The following CTNNA3 variants were observed in gnomAD, a reference collection of about 807,000 sequenced individuals.
CTNNA3 encodes the protein catenin alpha-3.
CTNNA3 carries 76 observed loss-of-function variants against 95.7 expected under a neutral mutation model. The ratio of observed to expected loss-of-function variants is 0.79; its 90% CI spans 0.66 to 0.96. The LOEUF (loss-of-function observed/expected upper bound fraction) is 0.96. CTNNA3 is among the 40% of genes least tolerant of loss of function. CTNNA3 has a pLI of 0.00. For missense variants in CTNNA3, 1,191 were observed against 1,089.8 expected (o/e 1.09, Z -1.31); for synonymous variants, 431 against 374.4 (o/e 1.15, Z -1.74).
chr10:66,391,058 CAATA>C lies in CTNNA3; in HGVS notation c.1532-11710_1532-11707del, dbSNP rs201270860. Among the ~76,000 whole-genome samples the C allele has an allele frequency of 5.6e-3, 818 of 147,152 alleles. 7 individuals are homozygous for C. Among genetic ancestry groups the C allele is most frequent in the African/African-American group, 0.014 (569 of 41,130 alleles). ...TTATTGTCTTTTATTCCGCCCAATA[CAATA>C]GTCAAAATTGTAGTCACTTGGTAAT... On this transcript the variant is annotated intron_variant, in intron 11 of 17. Coordinates refer to ENST00000433211, the MANE Select transcript of CTNNA3 (RefSeq NM_013266.4).
intron 7 of CTNNA3, among the ~76,000 whole-genome samples, chr10:66,998,663 G>A (rs996245175): frequency 6.6e-6 from 1 of 152,110 alleles, no homozygotes; most frequent in African/African-American, 2.4e-5. Context: ...AAAAAATATA[G>A]TAATTCCAAA....
intron 5 of CTNNA3, among the ~76,000 whole-genome samples, chr10:67,414,771 A>T (rs992525067): frequency 1.3e-5 from 2 of 152,212 alleles, no homozygotes; most frequent in Non-Finnish European, 2.9e-5. Context: ...TTCAATACTG[A>T]AATCACATTT....
chr10:66,145,039 C>T (rs1307897108), intron 13 of CTNNA3, among the ~76,000 whole-genome samples: 1 of 152,080 alleles, frequency 6.6e-6, no homozygotes. Context: ...TGCATATACA[C>T]TATTCTCTCC....
chr10:67,501,772 GT>G (rs1166494950), intron 5 of CTNNA3, among the ~76,000 whole-genome samples: 6 of 152,056 alleles, frequency 3.9e-5, no homozygotes, highest in Admixed American at 1.3e-4. Flanking sequence ...TGATCCTTGT[GT>G]ATGCTTCAGG....
intron 7 of CTNNA3, among the ~76,000 whole-genome samples, chr10:67,133,346 G>A (rs1411291119): frequency 1.6e-4 from 9 of 54,738 alleles, no homozygotes; most frequent in African/African-American, 3.6e-4. Context: ...CACACACAAT[G>A]GTAGATACAT....
At position 66,134,602 on chromosome 10, in the gene CTNNA3, T is replaced by C. The variant is rs149367877; in HGVS notation, c.1885-31353A>G. On this transcript the variant is annotated intron_variant, in intron 13 of 17. Transcript: ENST00000433211. ...TATGAAAGAAGGAAATTTAAGAATATTTGCTTTCAAACAGAAACATAGGGT... is the reference window on the plus strand; with the variant it reads ...TATGAAAGAAGGAAATTTAAGAATACTTGCTTTCAAACAGAAACATAGGGT... Among the ~76,000 whole-genome samples the C allele has an allele frequency of 2.7e-3, 405 of 152,232 alleles. 2 individuals carry two copies. The highest frequency in any genetic ancestry group is 9.4e-3 in the African/African-American group (389 of 41,548).
intron 5 of CTNNA3, among the ~76,000 whole-genome samples, chr10:67,480,623 C>A (rs1848181436): frequency 6.6e-6 from 1 of 152,218 alleles, no homozygotes; most frequent in Admixed American, 6.5e-5. Flanking sequence ...AGATAACAAG[C>A]CAGAGCCTGT....
intron 5 of CTNNA3, among the ~76,000 whole-genome samples, chr10:67,463,355 A>C (rs2133001575): frequency 6.6e-6 from 1 of 152,252 alleles, no homozygotes; most frequent in South Asian, 2.1e-4. Flanking sequence ...TTCTTGGCAA[A>C]AGAAACCAAA....
At chr10:66,345,340 G>GA (rs1265341767) in intron 12 of CTNNA3, among the ~76,000 whole-genome samples, 1 of 152,068 alleles carries the variant, frequency 6.6e-6, no homozygotes, top group Non-Finnish European at 1.5e-5. Flanking sequence ...TGTTTCCTCT[G>GA]AAAAATGTTA....
chr10:67,480,390 T>G (rs913023552), intron 5 of CTNNA3, among the ~76,000 whole-genome samples: 1 of 152,050 alleles, frequency 6.6e-6, no homozygotes, highest in Non-Finnish European at 1.5e-5. Flanking sequence ...AAACAGGCCA[T>G]GAGAAACAAG....
At chr10:66,194,976 G>C (rs2086877294) in intron 13 of CTNNA3, among the ~76,000 whole-genome samples, 1 of 152,190 alleles carries the variant, frequency 6.6e-6, no homozygotes, top group Non-Finnish European at 1.5e-5. Flanking sequence ...TTTGCTGTAT[G>C]AAGTACAACC....
At chr10:67,524,175 G>A (rs1378899317) in intron 4 of CTNNA3, among the ~76,000 whole-genome samples, 1 of 151,970 alleles carries the variant, frequency 6.6e-6, no homozygotes, top group Non-Finnish European at 1.5e-5. Flanking sequence ...AGGCCGAGGC[G>A]GGCGGATCAC....
chr10:66,178,399 G>A (rs1329233373), intron 13 of CTNNA3, among the ~76,000 whole-genome samples: 7 of 91,160 alleles, frequency 7.7e-5, no homozygotes, highest in South Asian at 4.1e-4. Context: ...CCTTGAAAGT[G>A]TATATATATA....
Position 66,185,414 on chromosome 10 carries a change from C to A in CTNNA3, c.1885-82165G>T, listed in dbSNP as rs529103934. Among the ~76,000 whole-genome samples the A allele has an allele frequency of 1.2e-3, 175 of 151,612 alleles. 1 individual carries two copies. The highest frequency in any genetic ancestry group is 3.9e-3 in the African/African-American group (163 of 41,332). On this transcript the variant is annotated intron_variant, in intron 13 of 17. Coordinates refer to ENST00000433211, the MANE Select transcript of CTNNA3 (RefSeq NM_013266.4). ...GCATTATTTGTACCTCCATAAGTAA[C>A]AAAATATTGAAATGAGCTATTAAAA...
intron 7 of CTNNA3, among the ~76,000 whole-genome samples, chr10:66,853,987 T>G (rs1280868476): frequency 6.6e-6 from 1 of 152,028 alleles, no homozygotes; most frequent in Non-Finnish European, 1.5e-5. Flanking sequence ...ATTTAACCAT[T>G]TGCGATTATG....
At chr10:66,914,773 T>C (rs924837533) in intron 7 of CTNNA3, among the ~76,000 whole-genome samples, 3 of 152,194 alleles carry the variant, frequency 2.0e-5, no homozygotes, top group Admixed American at 6.5e-5. Flanking sequence ...ATCTCTCAAC[T>C]CTGCCATTGT....
In CTNNA3 at chr10:67,705,787, A is replaced by T. The variant is rs1046515617; in HGVS notation, c.-2+57647T>A. Reference sequence around the variant, plus strand: ...AAAACTTAAAGTATAATAATAATAAAAAAAAAAAAGAAAGAAAGAAAAGGG... The same window carrying T: ...AAAACTTAAAGTATAATAATAATAATAAAAAAAAAGAAAGAAAGAAAAGGG... On this transcript the variant is annotated intron_variant, in intron 1 of 17. Coordinates refer to the CTNNA3 transcript ENST00000684154. Among the ~76,000 whole-genome samples the T allele has an allele frequency of 1.6e-4, 24 of 150,650 alleles. 1 individual carries two copies. In the East Asian group the frequency reaches 2.5e-3, roughly 16 times the overall value.
At chr10:66,853,738 A>T (rs1193003231) in intron 7 of CTNNA3, among the ~76,000 whole-genome samples, 2 of 151,974 alleles carry the variant, frequency 1.3e-5, no homozygotes, top group Non-Finnish European at 2.9e-5. Context: ...CTGCCGAACC[A>T]CCAAGGACAT....
At chr10:67,056,507 C>A (rs1855439906) in intron 7 of CTNNA3, among the ~76,000 whole-genome samples, 2 of 152,162 alleles carry the variant, frequency 1.3e-5, no homozygotes, top group South Asian at 4.1e-4. Flanking sequence ...AAGATCCACT[C>A]CTGATCTGTA....
Sources: allele counts gnomAD v4.1 joint callset (sites outside exome capture counted in the v4.1 genomes callset), GRCh38; gene constraint gnomAD v4.1.1; transcripts MANE v1.5; gene names NCBI Gene and HGNC (gene_info 2026-07-23, HGNC 2026-07-21).